The following MYRIP variants were observed in gnomAD, a reference collection of about 807,000 sequenced individuals.
The protein encoded by MYRIP is myosin VIIA and Rab interacting protein.
MYRIP carries 49 observed loss-of-function variants against 98.0 expected under a neutral mutation model. The observed-to-expected ratio is 0.50, with a 90% confidence interval of 0.40 to 0.63. The LOEUF (loss-of-function observed/expected upper bound fraction) is 0.63. Among genes scored for constraint, MYRIP ranks in the 30% least tolerant of loss-of-function variants. The probability of loss-of-function intolerance (pLI) is 0.00; values close to 1 mark genes in which losing one functional copy is unlikely to be tolerated. For missense variants in MYRIP, 1,004 were observed against 1,058.2 expected (o/e 0.95, Z 0.71); for synonymous variants, 404 against 409.5 (o/e 0.99, Z 0.16).
intron 2 of MYRIP, among the ~76,000 whole-genome samples, chr3:39,937,922 A>G (rs1944694652): frequency 6.6e-6 from 1 of 152,224 alleles, no homozygotes; most frequent in Non-Finnish European, 1.5e-5. Flanking sequence ...GTAGAATTAT[A>G]AAGAGAGAGA....
At chr3:39,983,754 G>A (rs2125762019) in intron 2 of MYRIP, among the ~76,000 whole-genome samples, 1 of 152,222 alleles carries the variant, frequency 6.6e-6, no homozygotes, top group South Asian at 2.1e-4. Flanking sequence ...AGAGCTCTAA[G>A]AAAAATAATA....
chr3:40,227,505 C>G (rs113787448), intron 11 of MYRIP, among the ~76,000 whole-genome samples: 2 of 151,904 alleles, frequency 1.3e-5, no homozygotes, highest in South Asian at 2.1e-4. Flanking sequence ...TGGTATGATC[C>G]CATCTTTATG....
At chr3:40,181,453 G>A (rs567244094) in intron 8 of MYRIP, among the ~76,000 whole-genome samples, 21 of 152,252 alleles carry the variant, frequency 1.4e-4, no homozygotes, top group African/African-American at 4.8e-4. Context: ...TCTGAGTTTT[G>A]GATCAGTACT....
At chr3:40,138,616 C>T (rs1430799013) in intron 3 of MYRIP, among the ~76,000 whole-genome samples, 4 of 152,098 alleles carry the variant, frequency 2.6e-5, no homozygotes, top group Non-Finnish European at 5.9e-5. Context: ...CTTAATGTTT[C>T]CCCTTAGTTA....
intron 3 of MYRIP, among the ~76,000 whole-genome samples, chr3:40,138,396 A>G (rs189619537): frequency 1.6e-3 from 251 of 152,284 alleles, no homozygotes; most frequent in Non-Finnish European, 2.9e-3. Flanking sequence ...AGCTCTAAGG[A>G]CTTTAAGTAA....
intron 2 of MYRIP, among the ~76,000 whole-genome samples, chr3:40,002,562 C>G (rs2125786852): frequency 6.6e-6 from 1 of 151,772 alleles, no homozygotes; most frequent in African/African-American, 2.4e-5. Context: ...ATATTGAGAC[C>G]AGACTCCTGT....
At chr3:40,169,578 C>G (rs952353684) in intron 7 of MYRIP, among the ~76,000 whole-genome samples, 1 of 152,170 alleles carries the variant, frequency 6.6e-6, no homozygotes, top group African/African-American at 2.4e-5. Context: ...GTAGCCTTAT[C>G]CAATAACTTA....
intron 1 of MYRIP, among the ~76,000 whole-genome samples, chr3:39,827,914 C>A (rs543299836): frequency 6.6e-6 from 1 of 152,064 alleles, no homozygotes; most frequent in East Asian, 1.9e-4. Flanking sequence ...TATATCATTC[C>A]ATTCTCTCCT....
intron 1 of MYRIP, among the ~76,000 whole-genome samples, chr3:39,857,294 T>C (rs1457708293): frequency 9.3e-6 from 1 of 107,220 alleles, no homozygotes; most frequent in Non-Finnish European, 1.9e-5. Flanking sequence ...TGAGTATCTA[T>C]GAACCGATTG....
chr3:40,194,230 A>G (rs1317006749), intron 10 of MYRIP, among the ~76,000 whole-genome samples: 2 of 152,018 alleles, frequency 1.3e-5, no homozygotes, highest in Admixed American at 6.5e-5. Flanking sequence ...GACCGTCTGT[A>G]CTTTATCCTT....
At chr3:40,112,392 T>G (rs1334263544) in intron 3 of MYRIP, among the ~76,000 whole-genome samples, 3 of 152,158 alleles carry the variant, frequency 2.0e-5, no homozygotes, top group African/African-American at 7.2e-5. Flanking sequence ...AGTAAATGTT[T>G]GTGAGAACTA....
intron 1 of MYRIP, among the ~76,000 whole-genome samples, chr3:39,825,052 A>T (rs568152341): frequency 7.2e-5 from 11 of 152,272 alleles, no homozygotes; most frequent in Non-Finnish European, 1.2e-4. Context: ...GATGTTGTAT[A>T]CTACAACTTT....
At chr3:39,961,057 T>G (rs1048909151) in intron 2 of MYRIP, among the ~76,000 whole-genome samples, 1 of 152,176 alleles carries the variant, frequency 6.6e-6, no homozygotes, top group Non-Finnish European at 1.5e-5. Flanking sequence ...TACAAGCATT[T>G]CCCTAACTAC....
At chr3:39,855,949 T>C (rs557229559) in intron 1 of MYRIP, among the ~76,000 whole-genome samples, 40 of 152,334 alleles carry the variant, frequency 2.6e-4, no homozygotes, top group African/African-American at 9.1e-4. Flanking sequence ...CTGTGAGATA[T>C]AGTCAGAGAT....
chr3:39,825,373 C>T (rs1435354115), intron 1 of MYRIP, among the ~76,000 whole-genome samples: 1 of 152,058 alleles, frequency 6.6e-6, no homozygotes, highest in Non-Finnish European at 1.5e-5. Context: ...TCCTTCTATA[C>T]CTAATTTATT....
chr3:40,087,510 A>G (rs1035607518), intron 3 of MYRIP, among the ~76,000 whole-genome samples: 2 of 152,170 alleles, frequency 1.3e-5, no homozygotes, highest in African/African-American at 4.8e-5. Flanking sequence ...TCTATTACAG[A>G]GGGCATTTAT....
At chr3:39,872,708 G>A (rs1399111552) in intron 1 of MYRIP, among the ~76,000 whole-genome samples, 2 of 151,994 alleles carry the variant, frequency 1.3e-5, no homozygotes, top group Non-Finnish European at 2.9e-5. Flanking sequence ...TGGTGTATAT[G>A]TGCCACATTT....
At chr3:40,097,229 C>T (rs1412636770) in intron 3 of MYRIP, among the ~76,000 whole-genome samples, 6 of 152,214 alleles carry the variant, frequency 3.9e-5, no homozygotes, top group African/African-American at 1.2e-4. Context: ...GGCAGATATA[C>T]TTTACCCATT....
intron 2 of MYRIP, among the ~76,000 whole-genome samples, chr3:39,986,276 A>G (rs1038676169): frequency 6.6e-6 from 1 of 152,182 alleles, no homozygotes; most frequent in Non-Finnish European, 1.5e-5. Flanking sequence ...CATTCTGGTT[A>G]CACTTGGTCC....
Sources: gnomAD v4.1 joint callset for allele counts (sites outside exome capture counted in the v4.1 genomes callset) on GRCh38, gnomAD v4.1.1 for gene constraint, MANE v1.5 for transcripts, NCBI Gene and HGNC (gene_info 2026-07-23, HGNC 2026-07-21) for gene names.